The following CHAMP1 variants were observed in gnomAD, a reference collection of about 807,000 sequenced individuals.
CHAMP1 encodes chromosome alignment-maintaining phosphoprotein 1.
CHAMP1 carries 4 observed loss-of-function variants against 54.5 expected under a neutral mutation model. That is an observed-to-expected ratio of 0.07 (90% CI 0.04 to 0.17). The LOEUF is 0.17. Among genes scored for constraint, CHAMP1 ranks in the 10% least tolerant of loss-of-function variants. The pLI, the probability that CHAMP1 is intolerant of heterozygous loss-of-function variation, is 1.00. For missense variants in CHAMP1, 994 were observed against 968.6 expected, an observed-to-expected ratio of 1.03 and a Z score of -0.35; for synonymous variants, 368 against 342.2, an observed-to-expected ratio of 1.08 and a Z score of -0.83.
chr13:114,327,275 T>G lies in CHAMP1; in HGVS notation c.*994T>G, dbSNP rs2087263705. On this transcript the variant is annotated 3_prime_UTR_variant, in exon 3 of 3. Transcript: ENST00000361283. Reference sequence around the variant, plus strand: ...CATGGATTATTTTATTCTAAAATATTTTGTCAAATGTGTATCAACCAAATT... The same window carrying G: ...CATGGATTATTTTATTCTAAAATATGTTGTCAAATGTGTATCAACCAAATT... 2 of 160,174 alleles carry G rather than the reference T, an allele frequency of 1.2e-5. No homozygotes were observed. The highest frequency in any genetic ancestry group is 4.1e-4 in the South Asian group (2 of 4,834). 9.9% of individuals were successfully genotyped at this position (160,174 alleles called of 1,614,324 possible).
chr13:114,318,621 G>T (rs1238487486), intron 1 of CHAMP1, among the ~76,000 whole-genome samples: 8 of 151,926 alleles, frequency 5.3e-5, no homozygotes, highest in Non-Finnish European at 1.2e-4. Context: ...ACCACACCCG[G>T]CCTGATCATC....
At chr13:114,322,628 G>A (rs1201048541) in intron 2 of CHAMP1, 1 of 152,154 alleles carries the variant, frequency 6.6e-6, no homozygotes, top group African/African-American at 2.4e-5. Flanking sequence ...CACACAAATG[G>A]CCAAGTAATC....
In CHAMP1 at chr13:114,324,103, C is replaced by T. The variant is rs1555379351; in HGVS notation, c.261C>T (p.Ser87=). 3 of 1,614,144 alleles carry T rather than the reference C, an allele frequency of 1.9e-6. No individual in the cohort carries two copies. The South Asian group carries it at 3.3e-5, about 18-fold the overall frequency. The change falls in exon 3 of 3, where the codon TCC becomes TCT. Residue 87 remains serine, a synonymous_variant. Coordinates refer to ENST00000361283, the MANE Select transcript of CHAMP1 (RefSeq NM_032436.4). The part of the protein sequence containing the change: ...VYYHITSKHA[S]PDKWNDKPKN... ...ATCACATCACATCCAAACATGCATC[C>T]CCAGACAAATGGAATGATAAACCAA...
In CHAMP1 at chr13:114,324,924, C is replaced by T. The variant is rs1555379650; in HGVS notation, c.1082C>T (p.Pro361Leu). The part of the protein sequence containing the change: ...IPSVSPGPWK[P>L]TPSVSSASWK... Reference sequence around the variant, plus strand: ...TCTGTATCTCCTGGACCTTGGAAACCAACTCCATCTGTGTCTTCTGCATCC... The same window carrying T: ...TCTGTATCTCCTGGACCTTGGAAACTAACTCCATCTGTGTCTTCTGCATCC... The change falls in exon 3 of 3, where the codon CCA becomes CTA. Residue 361 changes from proline (P) to leucine (L), a missense_variant. Pro to Leu is a moderately conservative substitution (Grantham distance 98). Around this residue, in one of 3 missense-constraint regions of CHAMP1, gnomAD observed 851 missense variants for 701.3 expected, o/e 1.21. Transcript: ENST00000361283. The T allele has an allele frequency of 6.2e-7, 1 of 1,614,132 alleles. No homozygotes were observed. Among genetic ancestry groups the T allele is most frequent in the African/African-American group, 1.3e-5 (1 of 75,024 alleles).
chr13:114,323,333 A>G (rs2087196503), intron 2 of CHAMP1: 2 of 152,664 alleles, frequency 1.3e-5, no homozygotes, highest in South Asian at 4.1e-4. Flanking sequence ...TGCTTTCTGC[A>G]AAAGTTTTAG....
At chr13:114,319,569 A>T (rs951897093) in intron 1 of CHAMP1, among the ~76,000 whole-genome samples, 4 of 152,240 alleles carry the variant, frequency 2.6e-5, no homozygotes, top group African/African-American at 9.6e-5. Flanking sequence ...ACTCATGAAT[A>T]ACAGAGGTTA....
Position 114,324,860 on chromosome 13 carries a change from G to C in CHAMP1, c.1018G>C (p.Ala340Pro). The C allele has an allele frequency of 6.2e-7, 1 of 1,614,088 alleles. No homozygotes were observed. The highest frequency in any genetic ancestry group is 8.5e-7 in the Non-Finnish European group (1 of 1,180,028). Reference sequence around the variant, plus strand: ...AGGACCTTGGAAGCCAGCTAAACCTGCTCCATCTGTGTCTCCTGGACCTTG... The same window carrying C: ...AGGACCTTGGAAGCCAGCTAAACCTCCTCCATCTGTGTCTCCTGGACCTTG... Reference protein sequence around the residue: ...SSGPWKPAKPAPSVSPGPWKP... With the variant: ...SSGPWKPAKPPPSVSPGPWKP... Residue 340 changes from alanine (A) to proline (P), a missense_variant, in exon 3 of 3, where the codon GCT (alanine) becomes CCT (proline). Transcript: ENST00000361283.
intron 2 of CHAMP1, 75 bp from the exon 3 acceptor site, chr13:114,323,713 A>T (rs536826000): frequency 2.8e-4 from 333 of 1,169,224 alleles, no homozygotes; most frequent in Non-Finnish European, 3.8e-4. Flanking sequence ...AAAATTATGC[A>T]GTTATAGAAT....
At position 114,325,743 on chromosome 13, in the gene CHAMP1, G is replaced by C; in HGVS notation, c.1901G>C (p.Ser634Thr). The change falls in exon 3 of 3, where the codon AGT becomes ACT. Residue 634 changes from serine to threonine, a missense_variant. Ser to Thr is a moderately conservative substitution (Grantham distance 58). This residue lies in a region of CHAMP1 where 851 missense variants were observed against 701.3 expected (regional missense o/e 1.21). Coordinates refer to ENST00000361283, the MANE Select transcript of CHAMP1 (RefSeq NM_032436.4). ...QESSDAELSS[S>T]EYIKTDLDAM... Reference sequence around the variant, plus strand: ...AGCTCAGACGCTGAGCTTAGTAGTAGTGAGTACATAAAAACAGATTTGGAT... The same window carrying C: ...AGCTCAGACGCTGAGCTTAGTAGTACTGAGTACATAAAAACAGATTTGGAT... 6.2e-7 allele frequency: 1 copy of C among 1,614,188 alleles called. No individual in the cohort carries two copies. Among genetic ancestry groups the C allele is most frequent in the Non-Finnish European group, 8.5e-7 (1 of 1,180,048 alleles).
intron 1 of CHAMP1, among the ~76,000 whole-genome samples, chr13:114,315,099 T>TC (rs1242250258): frequency 1.3e-5 from 2 of 152,120 alleles, no homozygotes; most frequent in African/African-American, 2.4e-5. Context: ...GCAACCCAGT[T>TC]CAAGAATGGG....
intron 1 of CHAMP1, among the ~76,000 whole-genome samples, chr13:114,320,454 A>T (rs1007098769): frequency 6.6e-6 from 1 of 152,148 alleles, no homozygotes; most frequent in Admixed American, 6.5e-5. Context: ...TGTAATATCA[A>T]TAATTGACAA....
chr13:114,325,200 C>G lies in CHAMP1; in HGVS notation c.1358C>G (p.Pro453Arg), dbSNP rs370765566. The G allele has an allele frequency of 6.2e-7, 1 of 1,614,204 alleles. No homozygotes were observed. Among genetic ancestry groups the G allele is most frequent in the Non-Finnish European group, 8.5e-7 (1 of 1,180,038 alleles). ...TCACCAGATCTTTGGAAGCTTTCTC[C>G]TGATCAGCGGAAAACTTCTCCTGCT... ...SGSPDLWKLSPDQRKTSPASL... is the reference protein window; with the variant it reads ...SGSPDLWKLSRDQRKTSPASL... The change falls in exon 3 of 3, where the codon CCT becomes CGT. Residue 453 changes from proline to arginine, a missense_variant. Transcript: ENST00000361283.
chr13:114,327,051 T>G lies in CHAMP1; in HGVS notation c.*770T>G, dbSNP rs2087260564. 1 of 151,676 alleles carries G rather than the reference T, an allele frequency of 6.6e-6. No individual in the cohort carries two copies. Among genetic ancestry groups the G allele is most frequent in the African/African-American group, 2.7e-5 (1 of 36,982 alleles). 9.4% of individuals were successfully genotyped at this position (151,676 alleles called of 1,614,324 possible). A position where few individuals can be genotyped will look rare whatever the true frequency, so the allele number is the denominator to read the frequency against. Reference sequence around the variant, plus strand: ...CCAGCTCACACTAATAGATGATTCTTAATTGCCAAATGTGTTAGAGTTTGT... The same window carrying G: ...CCAGCTCACACTAATAGATGATTCTGAATTGCCAAATGTGTTAGAGTTTGT... On this transcript the variant is annotated 3_prime_UTR_variant, in exon 3 of 3. Transcript: ENST00000361283.
Position 114,325,846 on chromosome 13 carries a change from G to T in CHAMP1, c.2004G>T (p.Glu668Asp). The T allele has an allele frequency of 6.2e-7, 1 of 1,614,098 alleles. No individual in the cohort carries two copies. The highest frequency in any genetic ancestry group is 1.1e-5 in the South Asian group (1 of 91,064). The part of the protein sequence containing the change: ...VDVESIDFSK[E>D]NKMDMTSPEQ... ...TGGAATCCATTGATTTTAGCAAAGA[G>T]AACAAAATGGACATGACTAGTCCAG... The change falls in exon 3 of 3, where the codon GAG becomes GAT. Residue 668 changes from glutamate (E) to aspartate (D), a missense_variant. Around this residue, in one of 3 missense-constraint regions of CHAMP1, gnomAD observed 851 missense variants for 701.3 expected, o/e 1.21. Coordinates refer to ENST00000361283, the MANE Select transcript of CHAMP1 (RefSeq NM_032436.4).
rs2087203674 is a variant in CHAMP1, at chr13:114,323,901, G to A, written c.59G>A (p.Ser20Asn). 2 of 1,613,810 alleles carry A rather than the reference G, an allele frequency of 1.2e-6. No individual in the cohort carries two copies. The highest frequency in any genetic ancestry group is 8.5e-7 in the Non-Finnish European group (1 of 1,179,854). ...PSARLECDHCSFRGTDYENVQ... is the reference protein window; with the variant it reads ...PSARLECDHCNFRGTDYENVQ... Reference sequence around the variant, plus strand: ...GCACGTTTGGAGTGTGACCATTGCAGTTTCAGAGGCACAGACTATGAAAAT... The same window carrying A: ...GCACGTTTGGAGTGTGACCATTGCAATTTCAGAGGCACAGACTATGAAAAT... The change falls in exon 3 of 3, where the codon AGT (serine) becomes AAT (asparagine). Residue 20 changes from serine to asparagine, a missense_variant. By Grantham distance (46) the Ser-to-Asn change is conservative. Transcript: ENST00000361283.
In CHAMP1 at chr13:114,324,371, T is replaced by C. The variant is rs782153954; in HGVS notation, c.529T>C (p.Ser177Pro). Residue 177 changes from serine to proline, a missense_variant, in exon 3 of 3, where the codon TCA (serine) becomes CCA (proline). Coordinates refer to ENST00000361283, the MANE Select transcript of CHAMP1 (RefSeq NM_032436.4). ...LQTPLPSPEP[S>P]KPASVSSPEP... is the part of the protein sequence containing the mutation. ...GACACCTCTTCCTTCTCCTGAGCCT[T>C]CAAAACCTGCCTCTGTTTCTTCTCC... 3 of 1,614,094 alleles carry C rather than the reference T, an allele frequency of 1.9e-6. No homozygotes were observed. In the East Asian group the frequency reaches 6.7e-5, roughly 36 times the overall value.
At chr13:114,316,082 C>T (rs538545588) in intron 1 of CHAMP1, among the ~76,000 whole-genome samples, 9 of 151,418 alleles carry the variant, frequency 5.9e-5, no homozygotes, top group Admixed American at 1.3e-4. Context: ...GTGATCCACC[C>T]GCCTCGGCCT....
intron 1 of CHAMP1, among the ~76,000 whole-genome samples, chr13:114,320,608 A>G (rs188365759): frequency 1.3e-5 from 2 of 152,262 alleles, no homozygotes; most frequent in East Asian, 3.9e-4. Flanking sequence ...GAGAAAGTAG[A>G]CAAGGATGGT....
Position 114,325,344 on chromosome 13 carries a change from C to G in CHAMP1, c.1502C>G (p.Pro501Arg), listed in dbSNP as rs781934532. The stretch of plus-strand genomic sequence containing the variant: ...TTCCCTGAGACCCGAAAACCAGGTC[C>G]TTCTGGGCCATCTGAGTCCCCCAAA... ...PVFPETRKPG[P>R]SGPSESPKAA... Residue 501 changes from proline (P) to arginine (R), a missense_variant, in exon 3 of 3, where the codon CCT (proline) becomes CGT (arginine). Coordinates refer to ENST00000361283, the MANE Select transcript of CHAMP1 (RefSeq NM_032436.4). 6.2e-7 allele frequency: 1 copy of G among 1,614,142 alleles called. No homozygotes were observed. Among genetic ancestry groups the G allele is most frequent in the Admixed American group, 1.7e-5 (1 of 60,016 alleles).
Sources: allele counts gnomAD v4.1 joint callset (sites outside exome capture counted in the v4.1 genomes callset), GRCh38; gene constraint gnomAD v4.1.1; regional missense constraint gnomAD v4.1.1; transcripts MANE v1.5; gene names NCBI Gene and HGNC (gene_info 2026-07-23, HGNC 2026-07-21).